Variants in PEX14 observed in about 807,000 individuals in gnomAD.
The protein encoded by PEX14 is peroxisomal membrane protein PEX14.
PEX14 carries 15 observed loss-of-function variants against 49.5 expected under a neutral mutation model. That is an observed-to-expected ratio of 0.30 (90% confidence interval 0.20 to 0.47). The LOEUF is 0.47. Ranked by LOEUF, PEX14 falls within the 20% of genes least tolerant of loss-of-function variation. The pLI is 1.00. For missense variants in PEX14, 398 were observed against 494.8 expected (o/e 0.80, Z 1.86); for synonymous variants, 210 against 212.7 (o/e 0.99, Z 0.11).
rs150914056 is a variant in PEX14, at chr1:10,577,021, C to T, written c.170-22217C>T. On this transcript the variant is annotated intron_variant, in intron 3 of 8. Coordinates refer to ENST00000356607, the MANE Select transcript of PEX14 (RefSeq NM_004565.3). ...CCTCCTAAAGCTCTAGGATTACAGG[C>T]GTGAGCCACCACACCCAGCCTAATT... 9.0e-3 allele frequency among the ~76,000 whole-genome samples: 1,371 copies of T among 152,074 alleles called. 27 individuals carry two copies. Among genetic ancestry groups the T allele is most frequent in the African/African-American group, 0.031 (1,307 of 41,516 alleles).
chr1:10,483,902 T>C (rs1315604822), intron 1 of PEX14, among the ~76,000 whole-genome samples: 1 of 146,096 alleles, frequency 6.8e-6, no homozygotes, highest in Non-Finnish European at 1.5e-5. Flanking sequence ...ATAGAGTATA[T>C]TTGTCCCTCC....
chr1:10,491,671 C>T (rs981928163), intron 1 of PEX14, among the ~76,000 whole-genome samples: 1 of 130,406 alleles, frequency 7.7e-6, no homozygotes, highest in Admixed American at 8.7e-5. Flanking sequence ...CTTGGCCATG[C>T]TCCTTTTTTT....
At chr1:10,562,612 T>C (rs1035601424) in intron 3 of PEX14, among the ~76,000 whole-genome samples, 2 of 152,238 alleles carry the variant, frequency 1.3e-5, no homozygotes, top group African/African-American at 4.8e-5. Flanking sequence ...GTATTGTGTC[T>C]TTCCGGCATC....
chr1:10,533,212 T>C (rs1638699614), intron 2 of PEX14, among the ~76,000 whole-genome samples: 1 of 152,138 alleles, frequency 6.6e-6, no homozygotes, highest in South Asian at 2.1e-4. Context: ...GAGTGCTTTA[T>C]ATTTTTGCAT....
intron 3 of PEX14, among the ~76,000 whole-genome samples, chr1:10,592,933 G>A (rs1255397002): frequency 2.6e-5 from 4 of 152,192 alleles, no homozygotes; most frequent in African/African-American, 7.2e-5. Flanking sequence ...AAACTTGGAC[G>A]TGGTTGAGTT....
chr1:10,600,678 G>A (rs1391985178), intron 4 of PEX14, among the ~76,000 whole-genome samples: 4 of 151,478 alleles, frequency 2.6e-5, no homozygotes, highest in East Asian at 2.0e-4. Context: ...AGATCACGCC[G>A]CTGCACTCCA....
chr1:10,580,134 T>C (rs1436272820), intron 3 of PEX14, among the ~76,000 whole-genome samples: 5 of 152,144 alleles, frequency 3.3e-5, no homozygotes, highest in African/African-American at 1.2e-4. Flanking sequence ...AATAATGTAG[T>C]GTTAGATTTA....
chr1:10,565,193 C>T (rs553127232), intron 3 of PEX14, among the ~76,000 whole-genome samples: 53 of 152,284 alleles, frequency 3.5e-4, no homozygotes, highest in African/African-American at 1.1e-3. Flanking sequence ...TGAGCCACTG[C>T]GCCCAGCCTT....
chr1:10,530,275 TAG>T (rs1638608860), intron 2 of PEX14, among the ~76,000 whole-genome samples: 1 of 152,248 alleles, frequency 6.6e-6, no homozygotes, highest in Admixed American at 6.5e-5. Flanking sequence ...GGAAAATGAA[TAG>T]GTGTTGAACC....
chr1:10,480,863 A>C (rs56026470), intron 1 of PEX14, among the ~76,000 whole-genome samples: 18,100 of 145,592 alleles, frequency 0.12, 1,220 homozygotes, highest in African/African-American at 0.19. Flanking sequence ...CTCTCTCTAT[A>C]TATATATTTT....
chr1:10,481,660 C>T (rs1641285869), intron 1 of PEX14, among the ~76,000 whole-genome samples: 1 of 151,968 alleles, frequency 6.6e-6, no homozygotes, highest in Non-Finnish European at 1.5e-5. Context: ...TGGTCTTGAA[C>T]TCCTGACCTC....
chr1:10,501,840 G>A (rs995693931), intron 2 of PEX14, among the ~76,000 whole-genome samples: 21 of 152,242 alleles, frequency 1.4e-4, no homozygotes, highest in African/African-American at 4.3e-4. Context: ...AAGCCTAGTG[G>A]GTTGAGGCTA....
At chr1:10,614,204 G>A (rs759927827) in intron 4 of PEX14, among the ~76,000 whole-genome samples, 2 of 152,172 alleles carry the variant, frequency 1.3e-5, no homozygotes, top group African/African-American at 4.8e-5. Flanking sequence ...ATCTCTATCC[G>A]AGTTTTTCTC....
chr1:10,593,059 A>G (rs1298250066), intron 3 of PEX14, among the ~76,000 whole-genome samples: 1 of 152,214 alleles, frequency 6.6e-6, no homozygotes, highest in Non-Finnish European at 1.5e-5. Context: ...GCAGTGAAAT[A>G]CATTTTGCAC....
At chr1:10,556,013 G>A (rs2124519758) in intron 3 of PEX14, among the ~76,000 whole-genome samples, 1 of 148,042 alleles carries the variant, frequency 6.8e-6, no homozygotes, top group East Asian at 2.0e-4. Flanking sequence ...CGGTGGGCTG[G>A]CACTGCGGAG....
intron 3 of PEX14, among the ~76,000 whole-genome samples, chr1:10,595,579 A>C: frequency 6.6e-6 from 1 of 152,212 alleles, no homozygotes. Context: ...CTCAACTAAA[A>C]GAACATTTGG....
chr1:10,475,622 C>T (rs969651111), intron 1 of PEX14, among the ~76,000 whole-genome samples: 15 of 152,286 alleles, frequency 9.8e-5, no homozygotes, highest in Non-Finnish European at 2.1e-4. Context: ...TTTTGTTGGC[C>T]GAGGGCTCCG....
rs143080894 is a variant in PEX14, at chr1:10,585,737, T to A, written c.170-13501T>A. Among the ~76,000 whole-genome samples, 51 of 152,246 alleles carry A rather than the reference T, an allele frequency of 3.3e-4. No homozygotes were observed. The East Asian group carries it at 8.7e-3, about 26-fold the overall frequency. ...GAGTTCAAGACCAGCCTGGCCAACATGGCGAAACCCTGTCTCTATGCAGTG... is the reference window on the plus strand; with the variant it reads ...GAGTTCAAGACCAGCCTGGCCAACAAGGCGAAACCCTGTCTCTATGCAGTG... On this transcript the variant is annotated intron_variant, in intron 3 of 8. Transcript: ENST00000356607.
chr1:10,618,736 C>T (rs559924145), intron 5 of PEX14, among the ~76,000 whole-genome samples: 136 of 152,336 alleles, frequency 8.9e-4, no homozygotes, highest in African/African-American at 3.1e-3. Context: ...ACGGGGAAGC[C>T]GTGCGAGCAG....
Sources: allele counts gnomAD v4.1 joint callset (sites outside exome capture counted in the v4.1 genomes callset), GRCh38; gene constraint gnomAD v4.1.1; transcripts MANE v1.5; gene names NCBI Gene and HGNC (gene_info 2026-07-23, HGNC 2026-07-21).